The following CDH4 variants were observed in gnomAD, a reference collection of about 807,000 sequenced individuals.
CDH4 encodes cadherin-4.
CDH4 carries 33 observed loss-of-function variants against 86.0 expected under a neutral mutation model. The observed-to-expected ratio is 0.38, with a 90% CI of 0.29 to 0.51. The LOEUF (loss-of-function observed/expected upper bound fraction) is 0.51, where lower values mean the gene tolerates loss of function less well. CDH4 is among the 20% of genes least tolerant of loss of function. The pLI, the probability that CDH4 is intolerant of heterozygous loss-of-function variation, is 0.86. For missense variants in CDH4, 1,114 were observed against 1,307.4 expected (o/e 0.85, Z 2.28); for synonymous variants, 555 against 549.4 (o/e 1.01, Z -0.14).
At chr20:61,300,416 G>A (rs1309413803) in intron 2 of CDH4, among the ~76,000 whole-genome samples, 1 of 152,152 alleles carries the variant, frequency 6.6e-6, no homozygotes, top group Non-Finnish European at 1.5e-5. Flanking sequence ...TTGCTGCTGG[G>A]CTCCGGCACA....
Position 61,826,962 on chromosome 20 carries a change from A to AGTGT in CDH4, c.577-17661_577-17658dup, listed in dbSNP as rs11470719. On this transcript the variant is annotated intron_variant, in intron 4 of 15. Coordinates refer to ENST00000614565, the MANE Select transcript of CDH4 (RefSeq NM_001794.5). ...AGCTATTACCATTTAAGAAGGGAAA[A>AGTGT]GTGTGTGTGTGTGTGTGTGTGTGTG... Among the ~76,000 whole-genome samples, 219 of 146,082 alleles carry AGTGT rather than the reference A, an allele frequency of 1.5e-3. 2 individuals carry two copies. The highest frequency in any genetic ancestry group is 4.4e-3 in the African/African-American group (166 of 37,612).
intron 2 of CDH4, among the ~76,000 whole-genome samples, chr20:61,580,362 G>A (rs887656134): frequency 2.0e-5 from 3 of 152,136 alleles, no homozygotes; most frequent in African/African-American, 7.2e-5. Context: ...GGCTGAGGCA[G>A]GAGAATTGCT....
intron 2 of CDH4, among the ~76,000 whole-genome samples, chr20:61,388,055 A>G (rs1488172802): frequency 6.6e-6 from 1 of 152,236 alleles, no homozygotes; most frequent in Non-Finnish European, 1.5e-5. Flanking sequence ...CAATGTTGAT[A>G]AGATTTATAA....
rs1169592813 is a variant in CDH4, at chr20:61,811,991, C to T, written c.577-32677C>T. Among the ~76,000 whole-genome samples the T allele has an allele frequency of 1.3e-5, 2 of 152,092 alleles. No individual in the cohort carries two copies. On this transcript the variant is annotated intron_variant, in intron 4 of 15. Coordinates refer to ENST00000614565, the MANE Select transcript of CDH4 (RefSeq NM_001794.5). This position sits in a 1 kb window ranked among gnomAD's most constrained non-coding sequence, Gnocchi z 4.4. Reference sequence around the variant, plus strand: ...CTAGCCGCCTGCTGTCCTTCAGACTCCCCGCCTGGGCTTGGGTTTGAGGCC... The same window carrying T: ...CTAGCCGCCTGCTGTCCTTCAGACTTCCCGCCTGGGCTTGGGTTTGAGGCC...
intron 2 of CDH4, among the ~76,000 whole-genome samples, chr20:61,642,520 G>A (rs1270970968): frequency 6.6e-6 from 1 of 152,206 alleles, no homozygotes; most frequent in Non-Finnish European, 1.5e-5. Context: ...CGAGAACTTG[G>A]GGTTTTACTT....
intron 2 of CDH4, among the ~76,000 whole-genome samples, chr20:61,653,465 C>G (rs1262927651): frequency 4.5e-5 from 6 of 133,844 alleles, no homozygotes; most frequent in South Asian, 2.3e-4. Context: ...ACCTCCCAGA[C>G]GGGGTCGTGG....
chr20:61,699,631 C>T, intron 2 of CDH4, among the ~76,000 whole-genome samples: 1 of 152,248 alleles, frequency 6.6e-6, no homozygotes, highest in East Asian at 1.9e-4. Flanking sequence ...CCCACTCAAC[C>T]TTTCTCGAGC....
chr20:61,352,219 T>C (rs190494075), intron 2 of CDH4, among the ~76,000 whole-genome samples: 20 of 152,168 alleles, frequency 1.3e-4, no homozygotes, highest in Non-Finnish European at 2.5e-4. Context: ...TTAGCTTCTG[T>C]AAATAAGTGA....
chr20:61,453,683 GC>G (rs2085392190), intron 2 of CDH4, among the ~76,000 whole-genome samples: 1 of 152,122 alleles, frequency 6.6e-6, no homozygotes, highest in African/African-American at 2.4e-5. Context: ...CAAATACTTG[GC>G]CTATCTTTCT....
At chr20:61,890,627 G>A (rs540545972) in intron 7 of CDH4, among the ~76,000 whole-genome samples, 1 of 152,300 alleles carries the variant, frequency 6.6e-6, no homozygotes, top group South Asian at 2.1e-4. Context: ...AAGGGGATGG[G>A]TAGACGGATG....
At chr20:61,271,787 T>G (rs2084184790) in intron 2 of CDH4, among the ~76,000 whole-genome samples, 1 of 152,164 alleles carries the variant, frequency 6.6e-6, no homozygotes. Context: ...TGGTCCTGGT[T>G]TTGCCTTTTT....
chr20:61,270,619 C>T (rs890160132), intron 2 of CDH4, among the ~76,000 whole-genome samples: 2 of 152,274 alleles, frequency 1.3e-5, no homozygotes, highest in South Asian at 2.1e-4. Flanking sequence ...GAGTTATGTG[C>T]TTGAAAGGTT....
At chr20:61,632,523 A>G (rs1364014969) in intron 2 of CDH4, among the ~76,000 whole-genome samples, 2 of 152,028 alleles carry the variant, frequency 1.3e-5, no homozygotes, top group Non-Finnish European at 2.9e-5. Flanking sequence ...AGGCTGCTGG[A>G]GGCATACCAG....
intron 3 of CDH4, among the ~76,000 whole-genome samples, chr20:61,749,749 T>A (rs184611201): frequency 1.3e-5 from 2 of 152,330 alleles, no homozygotes; most frequent in Admixed American, 1.3e-4. Context: ...CTTAAATGCA[T>A]ATATTACAAG....
At chr20:61,271,192 C>T (rs1346362854) in intron 2 of CDH4, among the ~76,000 whole-genome samples, 4 of 152,148 alleles carry the variant, frequency 2.6e-5, no homozygotes, top group Non-Finnish European at 5.9e-5. Flanking sequence ...AGAATAAGGA[C>T]TTCTTCCTAT....
intron 4 of CDH4, among the ~76,000 whole-genome samples, chr20:61,787,095 CCAT>C (rs1978919830): frequency 7.4e-6 from 1 of 134,620 alleles, no homozygotes; most frequent in African/African-American, 2.6e-5. Flanking sequence ...ATCCATCCAT[CCAT>C]CATCCATCCA....
intron 4 of CDH4, among the ~76,000 whole-genome samples, chr20:61,780,789 G>A (rs553450925): frequency 4.5e-4 from 69 of 152,360 alleles, no homozygotes; most frequent in South Asian, 2.3e-3. Context: ...GGTGAGACGT[G>A]TGTGCAGGTG....
intron 2 of CDH4, among the ~76,000 whole-genome samples, chr20:61,576,210 G>A (rs1211135223): frequency 6.6e-6 from 1 of 152,134 alleles, no homozygotes; most frequent in Non-Finnish European, 1.5e-5. Flanking sequence ...TTTTGTGTGT[G>A]AACATAAAAC....
In CDH4 at chr20:61,681,700, G is replaced by A. The variant is rs1012100786; in HGVS notation, c.170-61863G>A. Reference sequence around the variant, plus strand: ...GCCCCTAAAGAGCTTTCTGGGCATCGGGAAAGTCCGGGCTCAGTGCATGTG... The same window carrying A: ...GCCCCTAAAGAGCTTTCTGGGCATCAGGAAAGTCCGGGCTCAGTGCATGTG... On this transcript the variant is annotated intron_variant, in intron 2 of 15. Coordinates refer to ENST00000614565, the MANE Select transcript of CDH4 (RefSeq NM_001794.5). This position sits in a 1 kb window ranked among gnomAD's most constrained non-coding sequence, Gnocchi z 4.5. Among the ~76,000 whole-genome samples, 15 of 152,184 alleles carry A rather than the reference G, an allele frequency of 9.9e-5. No homozygotes were observed. Among genetic ancestry groups the A allele is most frequent in the South Asian group, 4.1e-4 (2 of 4,820 alleles).
Sources: gnomAD v4.1 joint callset for allele counts (sites outside exome capture counted in the v4.1 genomes callset) on GRCh38, gnomAD v4.1.1 for gene constraint, Gnocchi (gnomAD v3.1) non-coding constraint, MANE v1.5 for transcripts, NCBI Gene and HGNC (gene_info 2026-07-23, HGNC 2026-07-21) for gene names.